CNTN5: variants seen among roughly 807,000 people sequenced by gnomAD.
The protein encoded by CNTN5 is contactin 5, also known as contactin-5.
CNTN5 carries 77 observed loss-of-function variants against 129.1 expected under a neutral mutation model. The observed-to-expected ratio is 0.60, with a 90% CI of 0.50 to 0.72. The LOEUF (loss-of-function observed/expected upper bound fraction) is 0.72. Ranked by LOEUF, CNTN5 falls within the 30% of genes least tolerant of loss-of-function variation. The pLI, the probability that CNTN5 is intolerant of heterozygous loss-of-function variation, is 0.00. For synonymous variants in CNTN5, 509 were observed against 465.6 expected (o/e 1.09, Z -1.20); for missense variants, 1,478 against 1,328.8 (o/e 1.11, Z -1.75).
chr11:99,864,709 T>C (rs1349246190), intron 6 of CNTN5, among the ~76,000 whole-genome samples: 1 of 152,192 alleles, frequency 6.6e-6, no homozygotes, highest in African/African-American at 2.4e-5. Flanking sequence ...ATAGGTGTCA[T>C]AGTGAAATTA....
intron 3 of CNTN5, among the ~76,000 whole-genome samples, chr11:99,727,312 C>CAAAAAAAAAAAAAAAA (rs397936738): frequency 2.1e-4 from 5 of 24,298 alleles, no homozygotes; most frequent in African/African-American, 4.7e-4. Context: ...GACTCCGTCT[C>CAAAAAAAAAAAAAAAA]AAAAAAAAAA....
chr11:99,397,922 G>T (rs1166968317), intron 2 of CNTN5, among the ~76,000 whole-genome samples: 1 of 151,862 alleles, frequency 6.6e-6, no homozygotes, highest in Non-Finnish European at 1.5e-5. Flanking sequence ...GAATATATGA[G>T]TGTATACTAC....
intron 9 of CNTN5, among the ~76,000 whole-genome samples, chr11:100,011,035 C>T (rs555877340): frequency 6.6e-6 from 1 of 152,158 alleles, no homozygotes; most frequent in African/African-American, 2.4e-5. Flanking sequence ...TTAGATGCAG[C>T]AGGTGCTGAA....
chr11:99,769,380 G>C (rs868104390), intron 3 of CNTN5, among the ~76,000 whole-genome samples: 1 of 151,846 alleles, frequency 6.6e-6, no homozygotes, highest in East Asian at 1.9e-4. Context: ...CAAAAACTAG[G>C]GAATACATAA....
chr11:99,837,433 C>A lies in CNTN5; in HGVS notation c.278-7419C>A, dbSNP rs1325039634. ...GAACCACTTTCAGTTGATCTAATATCTTTGATATCTTTTAAAGCCTTACTG... is the reference window on the plus strand; with the variant it reads ...GAACCACTTTCAGTTGATCTAATATATTTGATATCTTTTAAAGCCTTACTG... On this transcript the variant is annotated intron_variant, in intron 4 of 24. Coordinates refer to ENST00000524871, the MANE Select transcript of CNTN5 (RefSeq NM_014361.4). Among the ~76,000 whole-genome samples the A allele has an allele frequency of 3.3e-5, 5 of 152,212 alleles. No individual in the cohort carries two copies. In the East Asian group the frequency reaches 9.7e-4, roughly 29 times the overall value.
chr11:99,884,857 G>T (rs113672483), intron 6 of CNTN5, among the ~76,000 whole-genome samples: 203 of 152,188 alleles, frequency 1.3e-3, no homozygotes, highest in Non-Finnish European at 2.4e-3. Flanking sequence ...TGTGCTTGTA[G>T]TCCCAGCTAC....
chr11:99,398,643 T>C (rs1941648413), intron 2 of CNTN5, among the ~76,000 whole-genome samples: 1 of 151,990 alleles, frequency 6.6e-6, no homozygotes, highest in East Asian at 1.9e-4. Context: ...TTTCATATAA[T>C]ACATCTTAGA....
intron 3 of CNTN5, among the ~76,000 whole-genome samples, chr11:99,738,309 G>C (rs1943776434): frequency 6.6e-6 from 1 of 152,148 alleles, no homozygotes; most frequent in Admixed American, 6.5e-5. Flanking sequence ...CCACCCACAA[G>C]CTAAGCAGAG....
chr11:99,912,053 A>T (rs1949675030), intron 6 of CNTN5, among the ~76,000 whole-genome samples: 1 of 152,038 alleles, frequency 6.6e-6, no homozygotes, highest in African/African-American at 2.4e-5. Context: ...ATTATTATTG[A>T]GGCAGATACA....
At chr11:100,329,619 T>G (rs1016794571) in intron 21 of CNTN5, among the ~76,000 whole-genome samples, 1 of 152,220 alleles carries the variant, frequency 6.6e-6, no homozygotes, top group African/African-American at 2.4e-5. Context: ...ATATCCAGGC[T>G]GCAAGACCTG....
chr11:99,928,910 A>C (rs1399931473), intron 7 of CNTN5, among the ~76,000 whole-genome samples: 1 of 152,154 alleles, frequency 6.6e-6, no homozygotes, highest in African/African-American at 2.4e-5. Context: ...TTTTAAATGT[A>C]AGTTCCAACT....
intron 1 of CNTN5, among the ~76,000 whole-genome samples, chr11:99,295,878 G>C (rs142328128): frequency 1.5e-4 from 16 of 108,212 alleles, no homozygotes; most frequent in African/African-American, 6.4e-4. Context: ...GCGAGACTCC[G>C]TCTCAAAAAA....
intron 1 of CNTN5, among the ~76,000 whole-genome samples, chr11:99,193,706 T>C (rs566106119): frequency 3.9e-5 from 6 of 152,252 alleles, no homozygotes; most frequent in African/African-American, 1.2e-4. Flanking sequence ...AAACAACCCA[T>C]GGGCAACCCA....
intron 1 of CNTN5, among the ~76,000 whole-genome samples, chr11:99,038,368 A>C (rs1863845443): frequency 6.6e-6 from 1 of 152,168 alleles, no homozygotes; most frequent in Non-Finnish European, 1.5e-5. Flanking sequence ...TATACTGTAG[A>C]GTGATCAGAT....
At chr11:99,452,491 G>A (rs1170154551) in intron 2 of CNTN5, among the ~76,000 whole-genome samples, 1 of 148,408 alleles carries the variant, frequency 6.7e-6, no homozygotes. Context: ...TCCTGCCTCA[G>A]CCTCTCAAGT....
intron 1 of CNTN5, among the ~76,000 whole-genome samples, chr11:99,224,996 G>T (rs1234184135): frequency 1.3e-5 from 2 of 152,096 alleles, no homozygotes; most frequent in Admixed American, 6.6e-5. Context: ...TCCAAAGAGA[G>T]ACGTCTTGAA....
chr11:99,245,440 T>C (rs1451611806), intron 1 of CNTN5, among the ~76,000 whole-genome samples: 2 of 152,122 alleles, frequency 1.3e-5, no homozygotes, highest in African/African-American at 4.8e-5. Context: ...TGACTCCGCC[T>C]CCCAAGTAAC....
intron 2 of CNTN5, among the ~76,000 whole-genome samples, chr11:99,497,708 G>T (rs1223449238): frequency 6.6e-6 from 1 of 152,128 alleles, no homozygotes; most frequent in Non-Finnish European, 1.5e-5. Flanking sequence ...TGAAATTGGA[G>T]ACTTCTTCCT....
At chr11:99,866,915 C>G (rs772810433) in intron 6 of CNTN5, among the ~76,000 whole-genome samples, 7 of 152,186 alleles carry the variant, frequency 4.6e-5, no homozygotes, top group African/African-American at 7.2e-5. Flanking sequence ...AGGTGGTCAC[C>G]TGAGAGACAG....
Sources: gnomAD v4.1 joint callset for allele counts (sites outside exome capture counted in the v4.1 genomes callset) on GRCh38, gnomAD v4.1.1 for gene constraint, MANE v1.5 for transcripts, NCBI Gene and HGNC (gene_info 2026-07-23, HGNC 2026-07-21) for gene names.